Variants in HELB observed in about 807,000 individuals in gnomAD.
HELB encodes DNA helicase B, also known as DNA 5'-3' helicase B.
Under a neutral mutation model 101.7 loss-of-function variants are expected in HELB, and 96 were observed. The ratio of observed to expected loss-of-function variants is 0.94; its 90% confidence interval spans 0.80 to 1.12. The LOEUF is 1.12. Among genes scored for constraint, HELB ranks in the 50% most tolerant of loss-of-function variants. The probability of loss-of-function intolerance (pLI) is 0.00; values close to 1 mark genes in which losing one functional copy is unlikely to be tolerated. For missense variants in HELB, 1,210 were observed against 1,291.9 expected, an observed-to-expected ratio of 0.94 and a Z score of 0.97; for synonymous variants, 437 against 459.7, an observed-to-expected ratio of 0.95 and a Z score of 0.63.
intron 3 of HELB, among the ~76,000 whole-genome samples, chr12:66,308,819 C>G (rs1198393775): frequency 2.0e-5 from 3 of 152,080 alleles, no homozygotes; most frequent in Non-Finnish European, 4.4e-5. Flanking sequence ...AACCCTGTCT[C>G]CAAATATAGT....
intron 6 of HELB, among the ~76,000 whole-genome samples, chr12:66,318,190 C>T (rs575960977): frequency 4.6e-4 from 70 of 152,230 alleles, no homozygotes; most frequent in African/African-American, 1.4e-3. Context: ...GAGTCAAATG[C>T]GCCTATTTGC....
At chr12:66,325,262 A>C in intron 11 of HELB, 136 bp downstream of exon 11, 1 of 599,306 alleles carries the variant, frequency 1.7e-6, no homozygotes, top group Admixed American at 3.2e-5. Flanking sequence ...ACAGAACATA[A>C]TAGAGAAGAC....
chr12:66,314,852 G>A (rs375336077), intron 5 of HELB, among the ~76,000 whole-genome samples: 1 of 152,064 alleles, frequency 6.6e-6, no homozygotes, highest in South Asian at 2.1e-4. Context: ...TTACTGGAAC[G>A]TATCTGTTAT....
At position 66,324,210 on chromosome 12, in the gene HELB, A is replaced by T; in HGVS notation, c.2525A>T (p.Asn842Ile). The T allele has an allele frequency of 6.3e-7, 1 of 1,576,802 alleles. No homozygotes were observed. ...LCNGEIFFIT[N>I]DVTDVTFGKR... ...AATGGAGAGATATTTTTCATAACAA[A>T]TGTAAGTGAAAACAGAAGATAATAT... Residue 842 changes from asparagine (N) to isoleucine (I), a missense_variant and splice_region_variant, in exon 10 of 13, where the codon AAT becomes ATT. This residue lies in a region of HELB where 740 missense variants were observed against 728.8 expected (regional missense o/e 1.02). Coordinates refer to ENST00000247815, the MANE Select transcript of HELB (RefSeq NM_001370285.1).
At position 66,331,490 on chromosome 12, in the gene HELB, G is replaced by C; in HGVS notation, c.3007G>C (p.Ala1003Pro). The C allele has an allele frequency of 3.7e-6, 6 of 1,614,166 alleles. No individual in the cohort carries two copies. The highest frequency in any genetic ancestry group is 5.1e-6 in the Non-Finnish European group (6 of 1,180,032). ...GACAAATGATGTCACCTGGAGCGAG[G>C]CCTCTTCGCCTGATGAGAGGACACT... Reference protein sequence around the residue: ...AMTNDVTWSEASSPDERTLTF... With the variant: ...AMTNDVTWSEPSSPDERTLTF... The change falls in exon 12 of 13, where the codon GCC (alanine) becomes CCC (proline). Residue 1003 changes from alanine (A) to proline (P), a missense_variant. Physicochemically the swap from Ala to Pro is conservative, Grantham distance 27. This residue lies in a region of HELB where 740 missense variants were observed against 728.8 expected (regional missense o/e 1.02). Coordinates refer to ENST00000247815, the MANE Select transcript of HELB (RefSeq NM_001370285.1).
At chr12:66,317,018 C>CAAA (rs35841295) in intron 6 of HELB, among the ~76,000 whole-genome samples, 4 of 81,482 alleles carry the variant, frequency 4.9e-5, no homozygotes, top group East Asian at 6.5e-4. Context: ...GACTCCATCT[C>CAAA]AAAAAAAAAA....
Position 66,305,109 on chromosome 12 carries a change from T to C in HELB, c.566T>C (p.Leu189Ser), listed in dbSNP as rs113658249. The C allele has an allele frequency of 1.8e-4, 287 of 1,587,790 alleles. 4 individuals are homozygous for C. In the African/African-American group the frequency reaches 3.2e-3, roughly 17 times the overall value. Residue 189 changes from leucine (L) to serine (S), a missense_variant, in exon 2 of 13, where the codon TTG becomes TCG. Physicochemically the swap from Leu to Ser is moderately radical, Grantham distance 145. Transcript: ENST00000247815. ...CCTACACAGAATGGTCAGGAAGAGT[T>C]GTTCCTAGACAATGAGATGAGTCTT... ...KQPTQNGQEE[L>S]FLDNEMSLPL...
At chr12:66,311,185 GT>G (rs2136993251) in intron 4 of HELB, among the ~76,000 whole-genome samples, 1 of 151,410 alleles carries the variant, frequency 6.6e-6, no homozygotes, top group East Asian at 1.9e-4. Flanking sequence ...ATTGGGTTCA[GT>G]GCTGTGGTTC....
rs768985219 is a variant in HELB, at chr12:66,331,147, C to T, written c.2671-7C>T. ...ATTTAGTCTTCACACCATATTTTTC[C>T]TGCCAGGGGTCCGAGGAGCAAACAG... On this transcript the variant is annotated splice_region_variant and splice_polypyrimidine_tract_variant and intron_variant, in intron 11 of 12. Transcript: ENST00000247815. 8.0e-5 allele frequency: 127 copies of T among 1,587,234 alleles called. No individual in the cohort carries two copies. The highest frequency in any genetic ancestry group is 9.7e-5 in the Non-Finnish European group (113 of 1,166,246).
At chr12:66,325,420 G>C (rs1176044755) in intron 11 of HELB, among the ~76,000 whole-genome samples, 1 of 152,048 alleles carries the variant, frequency 6.6e-6, no homozygotes, top group Non-Finnish European at 1.5e-5. Context: ...CTTATCTTTG[G>C]TTAAATTCTG....
rs200084866 is a variant in HELB, at chr12:66,324,966, C to A, written c.2527-17C>A. The stretch of plus-strand genomic sequence containing the variant: ...ATATTTGAAGGTATGCAAAATAGTT[C>A]TTTGGTTTGGTGACAGGATGTAACT... On this transcript the variant is annotated splice_polypyrimidine_tract_variant and intron_variant, in intron 10 of 12. Coordinates refer to ENST00000247815, the MANE Select transcript of HELB (RefSeq NM_001370285.1). The A allele has an allele frequency of 8.8e-5, 142 of 1,611,550 alleles. No individual in the cohort carries two copies. In the African/African-American group the frequency reaches 1.6e-3, roughly 18 times the overall value.
chr12:66,306,387 T>C lies in HELB; in HGVS notation c.650T>C (p.Ile217Thr), dbSNP rs138235805. ...NVMTALQFPK[I>T]MEFLPVLLPR... ...ATGACAGCTTTGCAGTTTCCGAAGATAATGGAATTCCTTCCAGTTCTTCTG... is the reference window on the plus strand; with the variant it reads ...ATGACAGCTTTGCAGTTTCCGAAGACAATGGAATTCCTTCCAGTTCTTCTG... Residue 217 changes from isoleucine (I) to threonine (T), a missense_variant, in exon 3 of 13, where the codon ATA becomes ACA. Ile to Thr is a moderately conservative substitution (Grantham distance 89, BLOSUM62 -1). This residue lies in a region of HELB where 470 missense variants were observed against 563.1 expected (regional missense o/e 0.83). Transcript: ENST00000247815. 1.2e-6 allele frequency: 2 copies of C among 1,601,794 alleles called. No homozygotes were observed. The highest frequency in any genetic ancestry group is 2.7e-5 in the African/African-American group (2 of 74,484).
At chr12:66,314,345 C>G (rs1209674892) in intron 5 of HELB, among the ~76,000 whole-genome samples, 182 bp downstream of exon 5, 1 of 151,980 alleles carries the variant, frequency 6.6e-6, no homozygotes. Context: ...TTTGTTTTGG[C>G]CAGGATATTA....
At chr12:66,302,923 T>A (rs1592627185) in intron 1 of HELB, 133 bp downstream of exon 1, 1 of 675,740 alleles carries the variant, frequency 1.5e-6, no homozygotes, top group Non-Finnish European at 2.4e-6. Context: ...TGCTTCATCC[T>A]ACCAAGGGTA....
chr12:66,336,840 C>T (rs528065391), intron 12 of HELB, among the ~76,000 whole-genome samples: 1 of 152,154 alleles, frequency 6.6e-6, no homozygotes, highest in South Asian at 2.1e-4. Flanking sequence ...CAACTGAGAA[C>T]AGTAGAAGCA....
downstream of HELB, chr12:66,340,076 A>G (rs745788049): frequency 6.6e-6 from 1 of 152,204 alleles, no homozygotes; most frequent in African/African-American, 2.4e-5. Context: ...GCTGCTATGA[A>G]CATCTGTGTA....
At chr12:66,315,042 T>A (rs1286287614) in intron 5 of HELB, among the ~76,000 whole-genome samples, 200 bp from the exon 6 acceptor site, 1 of 152,108 alleles carries the variant, frequency 6.6e-6, no homozygotes, top group African/African-American at 2.4e-5. Flanking sequence ...CTGTACCCAG[T>A]TTCCCTGTGG....
At chr12:66,318,920 A>G (rs554016124) in intron 7 of HELB, 128 bp downstream of exon 7, 1 of 707,194 alleles carries the variant, frequency 1.4e-6, no homozygotes, top group Non-Finnish European at 2.2e-6. Flanking sequence ...AAAAAGAGAC[A>G]TTGAAAATAA....
In HELB at chr12:66,325,107, G is replaced by T. The variant is rs771702939; in HGVS notation, c.2651G>T (p.Arg884Ile). The T allele has an allele frequency of 6.2e-7, 1 of 1,609,724 alleles. No homozygotes were observed. The highest frequency in any genetic ancestry group is 2.2e-5 in the East Asian group (1 of 44,806). ...KYCRIKHAWA[R>I]TIHTFQGSEE... ...TGTCGCATAAAACATGCATGGGCAA[G>T]AACTATTCACACTTTTCAGGTAAGA... Residue 884 changes from arginine to isoleucine, a missense_variant, in exon 11 of 13, where the codon AGA (arginine) becomes ATA (isoleucine). Around this residue, in one of 2 missense-constraint regions of HELB, gnomAD observed 740 missense variants for 728.8 expected, o/e 1.02. Coordinates refer to ENST00000247815, the MANE Select transcript of HELB (RefSeq NM_001370285.1).
Sources: allele counts gnomAD v4.1 joint callset (sites outside exome capture counted in the v4.1 genomes callset), GRCh38; gene constraint gnomAD v4.1.1; regional missense constraint gnomAD v4.1.1; transcripts MANE v1.5; gene names NCBI Gene and HGNC (gene_info 2026-07-23, HGNC 2026-07-21).